The following PHC2 variants were observed in gnomAD, a reference collection of about 807,000 sequenced individuals.
PHC2 encodes polyhomeotic-like protein 2.
A neutral mutation model predicts 87.4 loss-of-function variants in PHC2; 29 were observed. That is an observed-to-expected ratio of 0.33 (90% CI 0.25 to 0.45). The LOEUF is 0.45. Ranked by LOEUF, PHC2 falls within the 20% of genes least tolerant of loss-of-function variation. PHC2 has a pLI of 1.00. For missense variants in PHC2, 857 were observed against 1,136.7 expected, an observed-to-expected ratio of 0.75 and a Z score of 3.54; for synonymous variants, 438 against 461.7, an observed-to-expected ratio of 0.95 and a Z score of 0.66.
intron 1 of PHC2, among the ~76,000 whole-genome samples, chr1:33,419,228 G>C (rs1650329909): frequency 6.6e-6 from 1 of 152,176 alleles, no homozygotes; most frequent in African/African-American, 2.4e-5. Context: ...TCTTTACTAA[G>C]TCATAATATT....
intron 1 of PHC2, among the ~76,000 whole-genome samples, chr1:33,407,944 TC>T (rs923543712): frequency 1.3e-5 from 2 of 152,198 alleles, no homozygotes; most frequent in Non-Finnish European, 2.9e-5. Flanking sequence ...TTCTGGCCTG[TC>T]CCTGATCATG....
intron 1 of PHC2, among the ~76,000 whole-genome samples, chr1:33,380,996 C>A (rs1648463989): frequency 6.6e-6 from 1 of 152,158 alleles, no homozygotes; most frequent in African/African-American, 2.4e-5. Context: ...ACGCTATTCC[C>A]CTCCCCTGAA....
intron 9 of PHC2, chr1:33,345,000 G>A (rs2148247979): frequency 6.6e-6 from 1 of 152,144 alleles, no homozygotes. Flanking sequence ...GTGGCTTTAG[G>A]TCACATATGG....
At chr1:33,399,786 G>A (rs112678295) in intron 1 of PHC2, among the ~76,000 whole-genome samples, 1 of 152,122 alleles carries the variant, frequency 6.6e-6, no homozygotes, top group Non-Finnish European at 1.5e-5. Flanking sequence ...AGTGACTTTA[G>A]GTAGGAATGC....
At chr1:33,356,077 T>C (rs985043050) in intron 7 of PHC2, among the ~76,000 whole-genome samples, 1 of 151,900 alleles carries the variant, frequency 6.6e-6, no homozygotes, top group African/African-American at 2.4e-5. Context: ...GAGTTGTAAT[T>C]GTTTCTTATC....
chr1:33,413,139 G>A (rs11586709), intron 1 of PHC2, among the ~76,000 whole-genome samples: 26,141 of 151,996 alleles, frequency 0.17, 2,768 homozygotes, highest in South Asian at 0.27. Flanking sequence ...GCTAATTTTT[G>A]TATTTTTGGT....
chr1:33,334,299 G>A lies in PHC2; in HGVS notation c.1559-7C>T, dbSNP rs12734630. The A allele has an allele frequency of 0.22, 356,658 of 1,609,940 alleles. 41,664 individuals are homozygous for A. Among genetic ancestry groups the A allele is most frequent in the South Asian group, 0.27 (24,617 of 90,724 alleles). ...ACAATGCCCTGCCCTGTCTCTGCAC[G>A]AGAGAGAGTAGGAAAACAAAGCAGG... On this transcript the variant is annotated splice_polypyrimidine_tract_variant and splice_region_variant and intron_variant, in intron 9 of 14. Transcript: ENST00000683057. This position sits in a 1 kb window ranked among gnomAD's most constrained non-coding sequence, Gnocchi z 5.5.
intron 9 of PHC2, among the ~76,000 whole-genome samples, chr1:33,337,473 C>G (rs1646663685): frequency 6.6e-6 from 1 of 152,198 alleles, no homozygotes; most frequent in Non-Finnish European, 1.5e-5. Flanking sequence ...GGGCTTAGAC[C>G]TGGCTTAGAG....
At chr1:33,340,877 C>T (rs1420887869) in intron 9 of PHC2, among the ~76,000 whole-genome samples, 4 of 142,296 alleles carry the variant, frequency 2.8e-5, no homozygotes, top group African/African-American at 5.3e-5. Context: ...AATTACTCGA[C>T]TCAGATAAAC....
chr1:33,412,300 GA>G (rs1650015819), intron 1 of PHC2, among the ~76,000 whole-genome samples: 1 of 152,310 alleles, frequency 6.6e-6, no homozygotes, highest in Non-Finnish European at 1.5e-5. Context: ...TTAGTAACTG[GA>G]AGAGCCAGAA....
At chr1:33,385,798 A>ATTTTTTTTT in intron 1 of PHC2, among the ~76,000 whole-genome samples, 1 of 149,864 alleles carries the variant, frequency 6.7e-6, no homozygotes, top group Non-Finnish European at 1.5e-5. Context: ...ACAGAATAAA[A>ATTTTTTTTT]ATTTTTTTTT....
chr1:33,391,409 G>A (rs1425904003), intron 1 of PHC2, among the ~76,000 whole-genome samples: 1 of 152,162 alleles, frequency 6.6e-6, no homozygotes, highest in East Asian at 1.9e-4. Context: ...CTCAGAAAGG[G>A]GATTTGAGCC....
At position 33,327,415 on chromosome 1, in the gene PHC2, C is replaced by T. The variant is rs370000208; in HGVS notation, c.2425+1455G>A. Among the ~76,000 whole-genome samples, 68 of 152,128 alleles carry T rather than the reference C, an allele frequency of 4.5e-4. No homozygotes were observed. The East Asian group carries it at 9.5e-3, about 21-fold the overall frequency. On this transcript the variant is annotated intron_variant, in intron 14 of 14. Coordinates refer to ENST00000683057, the MANE Select transcript of PHC2 (RefSeq NM_001385109.1). ...GACCAAACTGTCGGGGATTTGGTGGCGGTGAGGGTATTCTGCATGAGGAAG... is the reference window on the plus strand; with the variant it reads ...GACCAAACTGTCGGGGATTTGGTGGTGGTGAGGGTATTCTGCATGAGGAAG...
At chr1:33,371,887 T>G (rs1428824029) in intron 3 of PHC2, among the ~76,000 whole-genome samples, 2 of 152,206 alleles carry the variant, frequency 1.3e-5, no homozygotes, top group African/African-American at 4.8e-5. Flanking sequence ...ACATAAAATG[T>G]TTTTCTGAAT....
intron 9 of PHC2, chr1:33,335,365 A>G: frequency 1.0e-6 from 1 of 985,316 alleles, no homozygotes; most frequent in Non-Finnish European, 1.2e-6. Context: ...ACTTCCTAAA[A>G]AAGAAAAGAA....
chr1:33,356,276 T>TATATATATATATAC (rs1557831073), intron 7 of PHC2, among the ~76,000 whole-genome samples: 16 of 59,452 alleles, frequency 2.7e-4, no homozygotes, highest in South Asian at 5.3e-4. Flanking sequence ...TATATATATA[T>TATATATATATATAC]GTATATATAT....
chr1:33,357,175 C>T (rs1233595647), intron 7 of PHC2, among the ~76,000 whole-genome samples: 1 of 152,208 alleles, frequency 6.6e-6, no homozygotes, highest in Non-Finnish European at 1.5e-5. Flanking sequence ...CAGGCCACAG[C>T]TGGAGGCCCG....
chr1:33,407,124 C>A (rs1032732492), intron 1 of PHC2, among the ~76,000 whole-genome samples: 4 of 152,158 alleles, frequency 2.6e-5, no homozygotes, highest in African/African-American at 7.2e-5. Flanking sequence ...AGTTTTAAAA[C>A]AATCTGTTAC....
chr1:33,358,212 C>A (rs901094285), intron 7 of PHC2, among the ~76,000 whole-genome samples: 3 of 152,138 alleles, frequency 2.0e-5, no homozygotes, highest in Admixed American at 6.5e-5. Flanking sequence ...TAGGTAGGGA[C>A]AACACACATT....
Sources: gnomAD v4.1 joint callset for allele counts (sites outside exome capture counted in the v4.1 genomes callset) on GRCh38, gnomAD v4.1.1 for gene constraint, Gnocchi (gnomAD v3.1) non-coding constraint, MANE v1.5 for transcripts, NCBI Gene and HGNC (gene_info 2026-07-23, HGNC 2026-07-21) for gene names.